Variants in FLNB observed in about 807,000 individuals in gnomAD.
The protein encoded by FLNB is filamin B, also known as filamin-B.
Under a neutral mutation model 250.6 loss-of-function variants are expected in FLNB, and 111 were observed. That is an observed-to-expected ratio of 0.44 (90% CI 0.38 to 0.52). FLNB has a LOEUF of 0.52. Among genes scored for constraint, FLNB ranks in the 20% least tolerant of loss-of-function variants. The pLI is 0.00. For synonymous variants in FLNB, 1,302 were observed against 1,372.1 expected, an observed-to-expected ratio of 0.95 and a Z score of 1.13; for missense variants, 2,869 against 3,447.8, an observed-to-expected ratio of 0.83 and a Z score of 4.20.
intron 34 of FLNB, 126 bp from the exon 35 acceptor site, chr3:58,148,080 T>A: frequency 1.0e-6 from 1 of 961,902 alleles, no homozygotes; most frequent in East Asian, 2.5e-5. Context: ...AGGCTCATTT[T>A]TTTTTCACTT....
rs148743730 is a variant in FLNB at position 58,041,979 on chromosome 3, T to C, written c.292+33123T>C. Among the ~76,000 whole-genome samples the C allele has an allele frequency of 5.3e-5, 8 of 152,330 alleles. No homozygotes were observed. The East Asian group carries it at 1.5e-3, about 29-fold the overall frequency. On this transcript the variant is annotated intron_variant, in intron 1 of 45. Coordinates refer to ENST00000295956, the MANE Select transcript of FLNB (RefSeq NM_001457.4). ...GAGTTCTGAGACTCATTAGAGAGTT[T>C]AGAGATTTTAGCATTCTTGAAGTTC...
At chr3:58,060,381 T>G (rs1576650321) in intron 1 of FLNB, among the ~76,000 whole-genome samples, 1 of 134,122 alleles carries the variant, frequency 7.5e-6, no homozygotes. Flanking sequence ...TGAGATGGAG[T>G]CTCGCTCTGT....
At chr3:58,049,869 G>A (rs962696941) in intron 1 of FLNB, among the ~76,000 whole-genome samples, 10 of 152,262 alleles carry the variant, frequency 6.6e-5, no homozygotes, top group South Asian at 2.1e-4. Context: ...GTGAGAAAAC[G>A]TGTAATCTGT....
At chr3:58,068,050 C>T (rs973305072) in intron 1 of FLNB, among the ~76,000 whole-genome samples, 2 of 152,202 alleles carry the variant, frequency 1.3e-5, no homozygotes, top group East Asian at 1.9e-4. Flanking sequence ...TGTCTGGGCT[C>T]CTGGCTGGCA....
chr3:58,048,099 G>A (rs73837275), intron 1 of FLNB, among the ~76,000 whole-genome samples: 2,386 of 152,106 alleles, frequency 0.016, 72 homozygotes, highest in African/African-American at 0.054. Context: ...TGTCCTTTAT[G>A]ACAGTTTAAA....
Position 58,169,815 on chromosome 3 carries a change from A to C in FLNB, c.7621+22A>C. The C allele has an allele frequency of 4.2e-4, 286 of 687,718 alleles. No homozygotes were observed. Among genetic ancestry groups the C allele is most frequent in the Non-Finnish European group, 6.6e-4 (263 of 397,230 alleles). 42.6% of individuals were successfully genotyped at this position (687,718 alleles called of 1,614,324 possible). A position where few individuals can be genotyped will look rare whatever the true frequency, so the allele number is the denominator to read the frequency against. The stretch of plus-strand genomic sequence containing the variant: ...GCTGGTAGGTGTCTGGGCCTTTTCA[A>C]GGGTGGGGTGGGGCAGGGGCAGGCT... On this transcript the variant is annotated intron_variant, in intron 45 of 45. Transcript: ENST00000295956. The surrounding 1 kb of genome is among the most constrained non-coding windows in gnomAD (Gnocchi z 4.8).
chr3:58,061,406 G>C (rs1480529402), intron 1 of FLNB, among the ~76,000 whole-genome samples: 1 of 151,786 alleles, frequency 6.6e-6, no homozygotes, highest in South Asian at 2.1e-4. Context: ...TTCTTTTTTT[G>C]ATGATGTATG....
Position 58,148,377 on chromosome 3 carries a change from A to G in FLNB, c.5887+13A>G, listed in dbSNP as rs747466250. ...AACAACCACATTGGTGAGCTAGGCTACCCTTCCTGGCTGGAGCCAGGACAT... is the reference window on the plus strand; with the variant it reads ...AACAACCACATTGGTGAGCTAGGCTGCCCTTCCTGGCTGGAGCCAGGACAT... On this transcript the variant is annotated intron_variant, in intron 35 of 45. Coordinates refer to ENST00000295956, the MANE Select transcript of FLNB (RefSeq NM_001457.4). 1.9e-6 allele frequency: 3 copies of G among 1,611,812 alleles called. No individual in the cohort carries two copies. Among genetic ancestry groups the G allele is most frequent in the Non-Finnish European group, 2.5e-6 (3 of 1,179,112 alleles).
chr3:58,061,865 G>A (rs1162756189), intron 1 of FLNB, among the ~76,000 whole-genome samples: 1 of 152,156 alleles, frequency 6.6e-6, no homozygotes, highest in Non-Finnish European at 1.5e-5. Flanking sequence ...GCCAAGGTGG[G>A]CAGATCACCT....
At chr3:58,168,229 T>G (rs1166800456) in intron 43 of FLNB, among the ~76,000 whole-genome samples, 2 of 152,166 alleles carry the variant, frequency 1.3e-5, no homozygotes, top group Non-Finnish European at 1.5e-5. Flanking sequence ...TCAGCCATGC[T>G]CCTCCTGCCT....
chr3:58,130,029 A>G (rs963764733), intron 24 of FLNB, among the ~76,000 whole-genome samples: 11 of 152,188 alleles, frequency 7.2e-5, no homozygotes, highest in Non-Finnish European at 1.5e-4. Flanking sequence ...GGGGTCAGCC[A>G]TGTAGCAGGA....
chr3:58,169,271 T>A lies in FLNB; in HGVS notation c.7418-319T>A. On this transcript the variant is annotated intron_variant, in intron 44 of 45. Transcript: ENST00000295956. This position sits in a 1 kb window ranked among gnomAD's most constrained non-coding sequence, Gnocchi z 4.8. ...TTTTACACTGCTTATACATAGACTA[T>A]TTTATGTCAATAGAAAGATGTGAAT... 2.5e-6 allele frequency: 1 copy of A among 397,208 alleles called. No individual in the cohort carries two copies. Among genetic ancestry groups the A allele is most frequent in the Non-Finnish European group, 4.7e-6 (1 of 211,368 alleles). 24.6% of individuals were successfully genotyped at this position (397,208 alleles called of 1,614,324 possible). A position where few individuals can be genotyped will look rare whatever the true frequency, so the allele number is the denominator to read the frequency against.
intron 1 of FLNB, among the ~76,000 whole-genome samples, chr3:58,060,875 A>T (rs2097177527): frequency 6.6e-6 from 1 of 151,990 alleles, no homozygotes; most frequent in African/African-American, 2.4e-5. Context: ...TTTGCAATGT[A>T]ATCTTCAACA....
At chr3:58,096,094 A>G in intron 5 of FLNB, 47 bp from the exon 6 acceptor site, 1 of 1,437,028 alleles carries the variant, frequency 7.0e-7, no homozygotes, top group Non-Finnish European at 9.8e-7. Context: ...CATGCTCCTT[A>G]CTCACACCCG....
intron 1 of FLNB, among the ~76,000 whole-genome samples, chr3:58,036,985 C>G (rs2106782841): frequency 6.6e-6 from 1 of 151,616 alleles, no homozygotes; most frequent in South Asian, 2.1e-4. Context: ...ATACTTTCTT[C>G]TCTTCATGAC....
intron 4 of FLNB, among the ~76,000 whole-genome samples, chr3:58,086,145 ACC>A (rs2097216982): frequency 7.1e-6 from 1 of 141,280 alleles, no homozygotes; most frequent in Non-Finnish European, 1.5e-5. Context: ...ACAGGTGTGC[ACC>A]ACCATGTCCA....
intron 23 of FLNB, among the ~76,000 whole-genome samples, chr3:58,125,992 A>C (rs1193915583): frequency 6.6e-6 from 1 of 152,206 alleles, no homozygotes; most frequent in African/African-American, 2.4e-5. Flanking sequence ...ATAATGTAAA[A>C]ATTTGTAGCC....
chr3:58,083,596 G>A (rs1436851037), intron 4 of FLNB, among the ~76,000 whole-genome samples: 1 of 151,726 alleles, frequency 6.6e-6, no homozygotes. Flanking sequence ...CCAACTCCTG[G>A]CCTCAGGTGA....
rs1362608154 is a variant in FLNB, at chr3:58,148,660, A to T, written c.5899A>T (p.Ile1967Phe). The part of the protein sequence containing the change: ...LPNNHIGISF[I>F]PREVGEHLVS... The stretch of plus-strand genomic sequence containing the variant: ...GTGTTCTGGTCCAGGCATCTCCTTC[A>T]TCCCCCGGGAAGTGGGCGAACATCT... Residue 1967 changes from isoleucine to phenylalanine, a missense_variant, in exon 36 of 46, where the codon ATC becomes TTC. This residue lies in a region of FLNB where 1,084 missense variants were observed against 1,315.5 expected (regional missense o/e 0.82). Coordinates refer to ENST00000295956, the MANE Select transcript of FLNB (RefSeq NM_001457.4). 1 of 1,613,830 alleles carries T rather than the reference A, an allele frequency of 6.2e-7. No individual in the cohort carries two copies. The highest frequency in any genetic ancestry group is 8.5e-7 in the Non-Finnish European group (1 of 1,179,946).
Sources: allele counts gnomAD v4.1 joint callset (sites outside exome capture counted in the v4.1 genomes callset), GRCh38; gene constraint gnomAD v4.1.1; regional missense constraint gnomAD v4.1.1; non-coding constraint Gnocchi (gnomAD v3.1); transcripts MANE v1.5; gene names NCBI Gene and HGNC (gene_info 2026-07-23, HGNC 2026-07-21).